ABCB11: variants seen among roughly 807,000 people sequenced by gnomAD.
The protein encoded by ABCB11 is bile salt export pump.
A neutral mutation model predicts 148.0 loss-of-function variants in ABCB11; 95 were observed. The observed-to-expected ratio is 0.64, with a 90% CI of 0.54 to 0.76. The LOEUF (loss-of-function observed/expected upper bound fraction) is 0.76, where lower values mean the gene tolerates loss of function less well. ABCB11 is among the 30% of genes least tolerant of loss of function. The pLI is 0.00. For synonymous variants in ABCB11, 591 were observed against 555.4 expected (o/e 1.06, Z -0.90); for missense variants, 1,523 against 1,617.8 (o/e 0.94, Z 1.01).
At chr2:169,018,342 G>T (rs549421231) in intron 1 of ABCB11, among the ~76,000 whole-genome samples, 190 bp from the exon 2 acceptor site, 1 of 152,278 alleles carries the variant, frequency 6.6e-6, no homozygotes, top group African/African-American at 2.4e-5. Context: ...CACAGTCATT[G>T]ATAAAGGTTT....
chr2:168,970,904 A>G (rs1295538419), intron 14 of ABCB11, among the ~76,000 whole-genome samples: 1 of 152,010 alleles, frequency 6.6e-6, no homozygotes, highest in East Asian at 1.9e-4. Context: ...GTAACTTGAG[A>G]AAGTTTGTAA....
At chr2:168,996,019 A>T (rs1355734476) in intron 6 of ABCB11, among the ~76,000 whole-genome samples, 1 of 147,472 alleles carries the variant, frequency 6.8e-6, no homozygotes, top group Admixed American at 6.7e-5. Flanking sequence ...TAAAATTCCC[A>T]ATGCCTAAAT....
Position 168,930,798 on chromosome 2 carries a change from G to C in ABCB11, c.3278C>G (p.Ser1093Trp). The C allele has an allele frequency of 1.2e-6, 2 of 1,613,148 alleles. No homozygotes were observed. The highest frequency in any genetic ancestry group is 1.7e-6 in the Non-Finnish European group (2 of 1,179,556). ...CKFTYPSRPD[S>W]QVLNGLSVSI... is the part of the protein sequence containing the mutation. Reference sequence around the variant, plus strand: ...CACTGAGAGACCATTCAGAACTTGCGAGTCAGGTCGAGAAGGATATGTAAA... The same window carrying C: ...CACTGAGAGACCATTCAGAACTTGCCAGTCAGGTCGAGAAGGATATGTAAA... Residue 1093 changes from serine (S) to tryptophan (W), a missense_variant, in exon 25 of 28, where the codon TCG (serine) becomes TGG (tryptophan). Ser to Trp is a radical substitution (Grantham distance 177). Coordinates refer to ENST00000650372, the MANE Select transcript of ABCB11 (RefSeq NM_003742.4).
rs760009482 is a variant in ABCB11, at chr2:168,993,720, G to T, written c.774C>A (p.Thr258=). Residue 258 remains threonine, a synonymous_variant, in exon 8 of 28, where the codon ACC becomes ACA. Coordinates refer to ENST00000650372, the MANE Select transcript of ABCB11 (RefSeq NM_003742.4). The part of the protein sequence containing the change: ...VSPLIGIGAA[T]IGLSVSKFTD... ...AAAAAGACATTCTTACCAGACCAAT[G>T]GTGGCTGCTCCAATCCCAATGAGAG... The T allele has an allele frequency of 6.8e-6, 11 of 1,608,306 alleles. No individual in the cohort carries two copies. The highest frequency in any genetic ancestry group is 9.3e-6 in the Non-Finnish European group (11 of 1,177,184).
At chr2:169,030,302 G>T (rs575620367) in intron 1 of ABCB11, among the ~76,000 whole-genome samples, 2 of 152,160 alleles carry the variant, frequency 1.3e-5, no homozygotes, top group African/African-American at 4.8e-5. Context: ...CAGGGAAATG[G>T]AGGCTTCAAC....
chr2:168,976,989 C>A lies in ABCB11; in HGVS notation c.1198-302G>T, dbSNP rs28719023. On this transcript the variant is annotated intron_variant, in intron 11 of 27. Transcript: ENST00000650372. ...GTGAGAATAATCACTACTTCTTGAG[C>A]TATTACTGAGATATTATATATTAAC... is the stretch of plus-strand genomic sequence containing the variant. Among the ~76,000 whole-genome samples, 85,177 of 148,584 alleles carry A rather than the reference C, an allele frequency of 0.57. 24,652 individuals are homozygous for A. Among genetic ancestry groups the A allele is most frequent in the East Asian group, 0.75 (3,784 of 5,048 alleles).
chr2:168,999,356 G>T (rs1157474838), intron 5 of ABCB11, among the ~76,000 whole-genome samples: 1 of 149,008 alleles, frequency 6.7e-6, no homozygotes, highest in South Asian at 2.1e-4. Context: ...GCCATATCTT[G>T]CAAATATCTT....
At position 168,969,374 on chromosome 2, in the gene ABCB11, C is replaced by T. The variant is rs371319925; in HGVS notation, c.1987G>A (p.Ala663Thr). Residue 663 changes from alanine (A) to threonine (T), a missense_variant, in exon 16 of 28, where the codon GCT (alanine) becomes ACT (threonine). By Grantham distance (58) the Ala-to-Thr change is moderately conservative (BLOSUM62 0). Transcript: ENST00000650372. ...CCCTTTATGTCCTCTTCATTAAGAG[C>T]TTGATTTCCCTGGCTTTGCAAAGTC... Reference protein sequence around the residue: ...LVTLQSQGNQALNEEDIKDAT... With the variant: ...LVTLQSQGNQTLNEEDIKDAT... 1.3e-4 allele frequency: 212 copies of T among 1,612,156 alleles called. No homozygotes were observed. Among genetic ancestry groups the T allele is most frequent in the Non-Finnish European group, 1.6e-4 (189 of 1,179,082 alleles).
chr2:168,950,617 C>T (rs1311025983), intron 19 of ABCB11, among the ~76,000 whole-genome samples: 2 of 151,276 alleles, frequency 1.3e-5, no homozygotes, highest in South Asian at 2.1e-4. Flanking sequence ...CTTCACCTAC[C>T]TTTTAATGAA....
chr2:168,969,309 C>A, intron 16 of ABCB11, 41 bp downstream of exon 16: 1 of 1,527,560 alleles, frequency 6.5e-7, no homozygotes, highest in Non-Finnish European at 9.0e-7. Flanking sequence ...TAGACATTAA[C>A]TATTTAATAT....
chr2:169,002,265 C>A (rs73020780), intron 5 of ABCB11, among the ~76,000 whole-genome samples: 3,601 of 151,926 alleles, frequency 0.024, 66 homozygotes, highest in African/African-American at 0.041. Flanking sequence ...ACACATGAAG[C>A]AAAGTCTGGT....
intron 1 of ABCB11, among the ~76,000 whole-genome samples, chr2:169,020,743 G>A (rs978939113): frequency 3.9e-5 from 6 of 152,016 alleles, no homozygotes; most frequent in African/African-American, 1.4e-4. Context: ...GGTGGGAGGG[G>A]AATGAGGAGT....
chr2:169,016,996 A>G (rs940942071), intron 2 of ABCB11, among the ~76,000 whole-genome samples, 197 bp from the exon 3 acceptor site: 2 of 146,930 alleles, frequency 1.4e-5, no homozygotes, highest in Admixed American at 1.4e-4. Context: ...ACACACACAC[A>G]CACACACACA....
chr2:168,963,420 G>T (rs1247576754), intron 18 of ABCB11, among the ~76,000 whole-genome samples: 2 of 151,706 alleles, frequency 1.3e-5, no homozygotes, highest in African/African-American at 4.8e-5. Context: ...CTAACGAAGG[G>T]TGGTAGGGGA....
intron 19 of ABCB11, among the ~76,000 whole-genome samples, chr2:168,957,101 C>G (rs1000792647): frequency 3.3e-5 from 5 of 151,602 alleles, no homozygotes; most frequent in Non-Finnish European, 7.4e-5. Context: ...CACATACTAC[C>G]TGCATCTAGT....
chr2:168,985,370 A>G (rs531399500), intron 10 of ABCB11, among the ~76,000 whole-genome samples: 1 of 152,290 alleles, frequency 6.6e-6, no homozygotes, highest in Admixed American at 6.5e-5. Flanking sequence ...TAGAACTACC[A>G]TTTGATCCAG....
downstream of ABCB11, among the ~76,000 whole-genome samples, chr2:168,917,198 T>C (rs1389129899): frequency 1.2e-5 from 1 of 86,232 alleles, no homozygotes; most frequent in Non-Finnish European, 2.1e-5. Context: ...AAAGAGTTTT[T>C]GGACAAAAAA....
intron 5 of ABCB11, among the ~76,000 whole-genome samples, chr2:169,000,018 C>T (rs1331090624): frequency 1.3e-5 from 2 of 152,020 alleles, no homozygotes; most frequent in East Asian, 3.9e-4. Context: ...TTAGCCATTC[C>T]AATAAGTCTA....
intron 1 of ABCB11, among the ~76,000 whole-genome samples, chr2:169,027,682 G>A (rs780577482): frequency 4.6e-5 from 7 of 152,068 alleles, no homozygotes; most frequent in Non-Finnish European, 1.0e-4. Flanking sequence ...AAGGTCCTGA[G>A]GCTGTCAAAA....
Sources: allele counts gnomAD v4.1 joint callset (sites outside exome capture counted in the v4.1 genomes callset), GRCh38; gene constraint gnomAD v4.1.1; transcripts MANE v1.5; gene names NCBI Gene and HGNC (gene_info 2026-07-23, HGNC 2026-07-21).